Variants in ASMTL observed in about 807,000 individuals in gnomAD.
ASMTL encodes acetylserotonin O-methyltransferase like, also known as probable bifunctional dTTP/UTP pyrophosphatase/methyltransferase protein.
ASMTL carries 57 observed loss-of-function variants against 60.3 expected under a neutral mutation model. That is an observed-to-expected ratio of 0.95 (90% CI 0.76 to 1.18). The LOEUF is 1.18. ASMTL is among the 50% of genes most tolerant of loss of function. ASMTL has a pLI of 0.00. For synonymous variants in ASMTL, 419 were observed against 373.0 expected (o/e 1.12, Z -1.42); for missense variants, 981 against 852.6 (o/e 1.15, Z -1.88).
chrX:1,447,237 G>T (rs1328027626), intron 1 of ASMTL, among the ~76,000 whole-genome samples: 1 of 152,206 alleles, frequency 6.6e-6, no homozygotes, highest in Non-Finnish European at 1.5e-5. Flanking sequence ...ATAACTAGAG[G>T]GTCTGGATTC....
At chrX:1,431,451 ATAT>A (rs1455980350) in intron 6 of ASMTL, among the ~76,000 whole-genome samples, 2 of 129,430 alleles carry the variant, frequency 1.5e-5, no homozygotes, top group East Asian at 4.1e-4. Flanking sequence ...ATAACAGTAT[ATAT>A]TATAATAGAT....
chrX:1,420,701 C>T (rs775003154), intron 9 of ASMTL, among the ~76,000 whole-genome samples: 8 of 152,342 alleles, frequency 5.3e-5, no homozygotes, highest in South Asian at 2.1e-4. Flanking sequence ...ATGCAGGGAG[C>T]GCTTTGCAAA....
intron 5 of ASMTL, 136 bp from the exon 6 acceptor site, chrX:1,432,513 A>C: frequency 1.4e-6 from 1 of 699,134 alleles, no homozygotes; most frequent in Non-Finnish European, 2.6e-6. Flanking sequence ...TCATGGGAGA[A>C]TAAGGTTCAT....
At chrX:1,452,955 C>T (rs2091433521), upstream of ASMTL, 2 of 799,510 alleles carry the variant, frequency 2.5e-6, no homozygotes, top group Non-Finnish European at 3.7e-6. Context: ...AGGCCACGCC[C>T]CCGCCCGCCT....
rs544866325 is a variant in ASMTL, at chrX:1,449,109, G to A, written c.93+3639C>T. 1.3e-4 allele frequency among the ~76,000 whole-genome samples: 20 copies of A among 152,198 alleles called. No individual in the cohort carries two copies. In the South Asian group the frequency reaches 3.1e-3, roughly 24 times the overall value. Reference sequence around the variant, plus strand: ...TCACAGGGAAACATTCCGAGCCTGCGATAAGATTCCCCTTCCTAAACCCTT... The same window carrying A: ...TCACAGGGAAACATTCCGAGCCTGCAATAAGATTCCCCTTCCTAAACCCTT... On this transcript the variant is annotated intron_variant, in intron 1 of 12. Coordinates refer to ENST00000381317, the MANE Select transcript of ASMTL (RefSeq NM_004192.4).
At position 1,418,044 on chromosome X, in the gene ASMTL, G is replaced by T; in HGVS notation, c.1451C>A (p.Pro484Gln). The T allele has an allele frequency of 6.2e-7, 1 of 1,613,654 alleles. No individual in the cohort carries two copies. Among genetic ancestry groups the T allele is most frequent in the Non-Finnish European group, 8.5e-7 (1 of 1,179,676 alleles). Residue 484 changes from proline to glutamine, a missense_variant, in exon 11 of 13, where the codon CCA (proline) becomes CAA (glutamine). Physicochemically the swap from Pro to Gln is moderately conservative, Grantham distance 76 (BLOSUM62 -1). Coordinates refer to ENST00000381317, the MANE Select transcript of ASMTL (RefSeq NM_004192.4). Reference protein sequence around the residue: ...PRMQVTVFDLPDIIELAAHFQ... With the variant: ...PRMQVTVFDLQDIIELAAHFQ... ...GTGGGCGGCCAGCTCGATAATGTCT[G>T]GGAGGTCAAACACAGTCACCTGCAT...
intron 7 of ASMTL, among the ~76,000 whole-genome samples, chrX:1,427,029 T>A (rs1195507966): frequency 2.6e-5 from 4 of 152,004 alleles, no homozygotes; most frequent in Middle Eastern, 3.2e-3. Flanking sequence ...AAAAAGGGTC[T>A]TTGCAGACGT....
chrX:1,424,869 T>C (rs112762329), intron 8 of ASMTL, among the ~76,000 whole-genome samples: 10,639 of 47,010 alleles, frequency 0.23, 645 homozygotes, highest in Admixed American at 0.35. Context: ...CACCCACCCA[T>C]CCATCCACCC....
At chrX:1,438,722 T>C (rs1232263834) in intron 3 of ASMTL, among the ~76,000 whole-genome samples, 1 of 152,224 alleles carries the variant, frequency 6.6e-6, no homozygotes, top group Non-Finnish European at 1.5e-5. Flanking sequence ...CTATGTGTTA[T>C]AATATTCTCT....
At chrX:1,425,912 C>T (rs2090601302) in intron 7 of ASMTL, among the ~76,000 whole-genome samples, 1 of 152,122 alleles carries the variant, frequency 6.6e-6, no homozygotes, top group African/African-American at 2.4e-5. Flanking sequence ...AAAAACTAGC[C>T]CATGGGAGAA....
Position 1,421,796 on chromosome X carries a change from G to T in ASMTL, c.1107C>A (p.Gly369=). 1 of 1,613,666 alleles carries T rather than the reference G, an allele frequency of 6.2e-7. No individual in the cohort carries two copies. The highest frequency in any genetic ancestry group is 8.5e-7 in the Non-Finnish European group (1 of 1,179,820). The change falls in exon 9 of 13, where the codon GGC becomes GGA. Residue 369 remains glycine (G), a synonymous_variant. Coordinates refer to ENST00000381317, the MANE Select transcript of ASMTL (RefSeq NM_004192.4). ...TGATGAAGCCGTGCAGAGAGTATTC[G>T]CCATCCGATGCCAGGTAGACGTTCG... The part of the protein sequence containing the change: ...ETANVYLASD[G]EYSLHGFIMH...
chrX:1,442,275 G>C lies in ASMTL; in HGVS notation c.136C>G (p.Leu46Val). 1 of 1,613,864 alleles carries C rather than the reference G, an allele frequency of 6.2e-7. No individual in the cohort carries two copies. Among genetic ancestry groups the C allele is most frequent in the South Asian group, 1.1e-5 (1 of 91,068 alleles). Reference sequence around the variant, plus strand: ...GGAGTAGCGAAGGAGGCTTTGTCCAGCTTCTCTTTAAACTTGGAGGGGACC... The same window carrying C: ...GGAGTAGCGAAGGAGGCTTTGTCCACCTTCTCTTTAAACTTGGAGGGGACC... ...EVVPSKFKEKLDKASFATPYG... is the reference protein window; with the variant it reads ...EVVPSKFKEKVDKASFATPYG... The change falls in exon 2 of 13, where the codon CTG (leucine) becomes GTG (valine). Residue 46 changes from leucine (L) to valine (V), a missense_variant. Coordinates refer to ENST00000381317, the MANE Select transcript of ASMTL (RefSeq NM_004192.4).
At chrX:1,421,869 C>A in intron 8 of ASMTL, 27 bp from the exon 9 acceptor site, 5 of 1,611,022 alleles carry the variant, frequency 3.1e-6, no homozygotes, top group Non-Finnish European at 4.2e-6. Context: ...AGTCGTGTGA[C>A]CTCCTAACGA....
At chrX:1,437,328 T>G in intron 3 of ASMTL, among the ~76,000 whole-genome samples, 1 of 150,512 alleles carries the variant, frequency 6.6e-6, no homozygotes, top group Middle Eastern at 3.5e-3. Context: ...TTAGTCCATT[T>G]CAGGCTGCTA....
chrX:1,437,516 G>T (rs2091000449), intron 3 of ASMTL, among the ~76,000 whole-genome samples: 1 of 151,552 alleles, frequency 6.6e-6, no homozygotes, highest in African/African-American at 2.4e-5. Context: ...CTCTGTGTGT[G>T]TCTGTGTCCT....
intron 4 of ASMTL, 122 bp downstream of exon 4, chrX:1,435,572 A>AGCACAGCTCAGACG (rs2065975663): frequency 5.5e-6 from 5 of 913,324 alleles, no homozygotes; most frequent in African/African-American, 4.9e-5. Flanking sequence ...CAGCTCAGAC[A>AGCACAGCTCAGACG]GCACAGCTCA....
rs1172055072 is a variant in ASMTL at position 1,443,399 on chromosome X, G to A, written c.94-1082C>T. On this transcript the variant is annotated intron_variant, in intron 1 of 12. Coordinates refer to ENST00000381317, the MANE Select transcript of ASMTL (RefSeq NM_004192.4). The stretch of plus-strand genomic sequence containing the variant: ...CATCATGGACACACGCCGCCATCTT[G>A]GACACACGCCGCCATCTTGGACACA... Among the ~76,000 whole-genome samples the A allele has an allele frequency of 2.9e-5, 3 of 103,460 alleles. 1 individual carries two copies. Among genetic ancestry groups the A allele is most frequent in the African/African-American group, 1.2e-4 (3 of 24,756 alleles). The allele number at this position is 103,460 out of a possible 152,430, so 67.9% of individuals were successfully genotyped here.
At chrX:1,449,623 C>T (rs1265194305) in intron 1 of ASMTL, among the ~76,000 whole-genome samples, 1 of 151,742 alleles carries the variant, frequency 6.6e-6, no homozygotes, top group African/African-American at 2.4e-5. Context: ...TCTGCCATCA[C>T]CAGTAACTAC....
rs2090817869 is a variant in ASMTL at position 1,432,317 on chromosome X, T to A, written c.461A>T (p.Glu154Val). ...TTCCCAGAGCAGCTCCTCGGACAGC[T>A]CCGAGAACTTCACCTTCGTTTCCTC... ...FYEETKVKFS[E>V]LSEELLWEYV... is the part of the protein sequence containing the mutation. Residue 154 changes from glutamate to valine, a missense_variant, in exon 6 of 13, where the codon GAG becomes GTG. By Grantham distance (121) the Glu-to-Val change is moderately radical. Transcript: ENST00000381317. 4 of 1,612,336 alleles carry A rather than the reference T, an allele frequency of 2.5e-6. No individual in the cohort carries two copies. Among genetic ancestry groups the A allele is most frequent in the Non-Finnish European group, 3.4e-6 (4 of 1,179,590 alleles).
Sources: allele counts gnomAD v4.1 joint callset (sites outside exome capture counted in the v4.1 genomes callset), GRCh38; gene constraint gnomAD v4.1.1; transcripts MANE v1.5; gene names NCBI Gene and HGNC (gene_info 2026-07-23, HGNC 2026-07-21).